SLC22A15: variants seen among roughly 807,000 people sequenced by gnomAD.
SLC22A15 encodes the protein flipt 1.
In SLC22A15, 45 loss-of-function variants were observed where a neutral mutation model predicts 62.7. The observed-to-expected ratio is 0.72, with a 90% CI of 0.56 to 0.92. The LOEUF is 0.92. Among genes scored for constraint, SLC22A15 ranks in the 40% least tolerant of loss-of-function variants. The probability of loss-of-function intolerance (pLI) is 0.00; values close to 1 mark genes in which losing one functional copy is unlikely to be tolerated. For synonymous variants in SLC22A15, 264 were observed against 267.0 expected (o/e 0.99, Z 0.11); for missense variants, 622 against 665.6 (o/e 0.93, Z 0.72).
intron 7 of SLC22A15, 87 bp from the exon 8 acceptor site, chr1:116,037,214 CTG>C (rs1365370396): frequency 1.8e-5 from 21 of 1,151,172 alleles, no homozygotes; most frequent in Non-Finnish European, 2.2e-5. Flanking sequence ...TATAATGAAA[CTG>C]AAGATTTTTA....
In SLC22A15 at chr1:116,069,360, G is replaced by A. The variant is rs1658565954; in HGVS notation, c.*2252G>A. 1 of 152,090 alleles carries A rather than the reference G, an allele frequency of 6.6e-6. No individual in the cohort carries two copies. The highest frequency in any genetic ancestry group is 1.5e-5 in the Non-Finnish European group (1 of 68,010). The allele number at this position is 152,090 out of a possible 1,614,324, so 9.4% of individuals were successfully genotyped here. On this transcript the variant is annotated 3_prime_UTR_variant, in exon 12 of 12. Transcript: ENST00000369503. ...TGAATACTATTGATGTAGAGAATGT[G>A]TATATGTGTATATTTGCATTGATTA...
intron 1 of SLC22A15, among the ~76,000 whole-genome samples, chr1:115,977,485 C>T (rs1156914449): frequency 6.6e-6 from 1 of 152,222 alleles, no homozygotes; most frequent in African/African-American, 2.4e-5. Context: ...AGTCCTTCAC[C>T]AACTTAAATG....
intron 2 of SLC22A15, among the ~76,000 whole-genome samples, chr1:116,003,781 A>G (rs148986104): frequency 9.0e-4 from 137 of 152,312 alleles, no homozygotes; most frequent in African/African-American, 3.1e-3. Context: ...TGTTAAAACT[A>G]GGTACTGTGA....
At chr1:116,014,766 C>T (rs80223574) in intron 2 of SLC22A15, among the ~76,000 whole-genome samples, 76 of 152,230 alleles carry the variant, frequency 5.0e-4, no homozygotes, top group African/African-American at 1.7e-3. Context: ...ATAAAAAACA[C>T]ATTTCTTGAG....
At chr1:116,050,898 C>T (rs1570768355) in intron 8 of SLC22A15, among the ~76,000 whole-genome samples, 2 of 152,118 alleles carry the variant, frequency 1.3e-5, no homozygotes, top group East Asian at 3.9e-4. Flanking sequence ...GATTAATGTA[C>T]AGAAATCAGT....
rs756051137 is a variant in SLC22A15, at chr1:116,037,409, C to T, written c.1171+21C>T. ...GAAAGGTATGCCTTTCAAATTTCTA[C>T]AAGGGTTTTGAACAGTACTTTCATT... On this transcript the variant is annotated intron_variant, in intron 8 of 11. Coordinates refer to ENST00000369503, the MANE Select transcript of SLC22A15 (RefSeq NM_018420.3). 14 of 1,566,976 alleles carry T rather than the reference C, an allele frequency of 8.9e-6. No homozygotes were observed. The East Asian group carries it at 3.1e-4, about 35-fold the overall frequency.
Position 116,031,544 on chromosome 1 carries a change from G to C in SLC22A15, c.907G>C (p.Val303Leu), listed in dbSNP as rs778924474. The C allele has an allele frequency of 6.2e-7, 1 of 1,613,828 alleles. No individual in the cohort carries two copies. The highest frequency in any genetic ancestry group is 1.3e-5 in the African/African-American group (1 of 74,916). The change falls in exon 6 of 12, where the codon GTC (valine) becomes CTC (leucine). Residue 303 changes from valine (V) to leucine (L), a missense_variant. Transcript: ENST00000369503. The stretch of plus-strand genomic sequence containing the variant: ...TTTCCTGGATCTCTTTCGTTACCGG[G>C]TCCTGTTAGGACACACTTTGATCCT... ...GSFLDLFRYR[V>L]LLGHTLILMF...
rs1309326377 is a variant in SLC22A15 at position 115,980,470 on chromosome 1, T to C, written c.87+3756T>C. 2.6e-5 allele frequency among the ~76,000 whole-genome samples: 4 copies of C among 152,266 alleles called. No individual in the cohort carries two copies. The East Asian group carries it at 7.7e-4, about 29-fold the overall frequency. On this transcript the variant is annotated intron_variant, in intron 1 of 11. Transcript: ENST00000369503. ...AAGACTGGATAAGATGTGGTATAAA[T>C]TTAATAGAATACAACGTCTGAAATA...
chr1:115,996,772 T>C (rs571384601), intron 2 of SLC22A15, among the ~76,000 whole-genome samples: 6 of 152,262 alleles, frequency 3.9e-5, no homozygotes, highest in Admixed American at 3.3e-4. Flanking sequence ...TTAATAGTTA[T>C]AGCGTGATTC....
intron 8 of SLC22A15, among the ~76,000 whole-genome samples, chr1:116,055,835 G>A (rs1200312908): frequency 6.9e-6 from 1 of 145,138 alleles, no homozygotes; most frequent in African/African-American, 2.6e-5. Context: ...TGCAGAAAAG[G>A]CCTTTGACAA....
At chr1:116,064,148 T>C (rs2101575276) in intron 9 of SLC22A15, among the ~76,000 whole-genome samples, 1 of 152,326 alleles carries the variant, frequency 6.6e-6, no homozygotes, top group Admixed American at 6.5e-5. Context: ...TATTTAAGTG[T>C]AAATTAATTA....
At chr1:116,009,610 T>C (rs1027454081) in intron 2 of SLC22A15, among the ~76,000 whole-genome samples, 11 of 152,184 alleles carry the variant, frequency 7.2e-5, no homozygotes, top group Admixed American at 1.3e-4. Context: ...CTTATTACAA[T>C]GAAGTGCAGT....
chr1:115,977,737 T>C (rs1390867288), intron 1 of SLC22A15, among the ~76,000 whole-genome samples: 1 of 152,220 alleles, frequency 6.6e-6, no homozygotes, highest in Non-Finnish European at 1.5e-5. Context: ...AGTTAGCATG[T>C]GATGATAGTT....
chr1:116,028,408 A>C (rs1178843831), intron 5 of SLC22A15, among the ~76,000 whole-genome samples: 2 of 151,948 alleles, frequency 1.3e-5, no homozygotes, highest in African/African-American at 4.8e-5. Context: ...TGAATAAATA[A>C]ATTTTCTTTT....
In SLC22A15 at chr1:116,020,895, A is replaced by C. The variant is rs1656798460; in HGVS notation, c.598+10A>C. Reference sequence around the variant, plus strand: ...TACTGGGCACTTGCAGGTACTACTTAAATCATGCAGCTCTGGACTGGGTGA... The same window carrying C: ...TACTGGGCACTTGCAGGTACTACTTCAATCATGCAGCTCTGGACTGGGTGA... On this transcript the variant is annotated intron_variant, in intron 4 of 11. Coordinates refer to ENST00000369503, the MANE Select transcript of SLC22A15 (RefSeq NM_018420.3). The C allele has an allele frequency of 6.2e-7, 1 of 1,610,104 alleles. No homozygotes were observed. The highest frequency in any genetic ancestry group is 8.5e-7 in the Non-Finnish European group (1 of 1,178,048).
intron 4 of SLC22A15, among the ~76,000 whole-genome samples, chr1:116,026,511 G>T (rs1055314720): frequency 5.3e-5 from 8 of 152,072 alleles, no homozygotes; most frequent in Non-Finnish European, 1.2e-4. Context: ...TTCTGGTATT[G>T]CAATAACCTC....
intron 4 of SLC22A15, 72 bp downstream of exon 4, chr1:116,020,957 C>T (rs1656805174): frequency 1.4e-6 from 2 of 1,379,510 alleles, no homozygotes; most frequent in Non-Finnish European, 2.0e-6. Flanking sequence ...CCAGTTTAAT[C>T]CTAGAGTCTG....
chr1:116,006,454 G>A (rs982663600), intron 2 of SLC22A15, among the ~76,000 whole-genome samples: 2 of 152,166 alleles, frequency 1.3e-5, no homozygotes, highest in African/African-American at 4.8e-5. Context: ...GAATGAAATG[G>A]CTTCCTTGGC....
chr1:116,017,479 G>T (rs967408583), intron 2 of SLC22A15: 15 of 152,086 alleles, frequency 9.9e-5, no homozygotes, highest in African/African-American at 3.6e-4. Flanking sequence ...GTGAAGAATG[G>T]AATTCAGAAG....
Sources: gnomAD v4.1 joint callset for allele counts (sites outside exome capture counted in the v4.1 genomes callset) on GRCh38, gnomAD v4.1.1 for gene constraint, MANE v1.5 for transcripts, NCBI Gene and HGNC (gene_info 2026-07-23, HGNC 2026-07-21) for gene names.